KANSL1L: variants seen among roughly 807,000 people sequenced by gnomAD.
KANSL1L encodes KAT8 regulatory NSL complex subunit 1-like protein.
A neutral mutation model predicts 108.6 loss-of-function variants in KANSL1L; 25 were observed. That is an observed-to-expected ratio of 0.23 (90% CI 0.17 to 0.32). KANSL1L has a LOEUF of 0.32. Ranked by LOEUF, KANSL1L falls within the 10% of genes least tolerant of loss-of-function variation. KANSL1L has a pLI of 1.00. For missense variants in KANSL1L, 1,137 were observed against 1,125.7 expected (o/e 1.01, Z -0.14); for synonymous variants, 405 against 395.1 (o/e 1.03, Z -0.30).
intron 6 of KANSL1L, among the ~76,000 whole-genome samples, chr2:210,053,886 A>G (rs1166977195): frequency 1.3e-5 from 2 of 152,124 alleles, no homozygotes; most frequent in Non-Finnish European, 1.5e-5. Flanking sequence ...CTACAAATCA[A>G]TATGAAAAAG....
chr2:210,024,666 T>C (rs1436383473), intron 13 of KANSL1L, among the ~76,000 whole-genome samples: 1 of 152,150 alleles, frequency 6.6e-6, no homozygotes, highest in African/African-American at 2.4e-5. Flanking sequence ...TAAAAGTATT[T>C]TAGACTTTTT....
intron 6 of KANSL1L, among the ~76,000 whole-genome samples, chr2:210,062,344 T>G (rs929889914): frequency 1.3e-5 from 2 of 152,220 alleles, no homozygotes; most frequent in African/African-American, 2.4e-5. Context: ...AATCTCTTTT[T>G]TCCTCCCAGT....
intron 1 of KANSL1L, among the ~76,000 whole-genome samples, chr2:210,167,407 C>T (rs138578814): frequency 1.2e-3 from 175 of 152,072 alleles, no homozygotes; most frequent in African/African-American, 3.5e-3. Flanking sequence ...ACTTGGGTGG[C>T]TACATAACAC....
Position 210,079,670 on chromosome 2 carries a change from G to GTGTATATATATATATATATATATATGTA in KANSL1L, c.1551-3915_1551-3914insTACATATATATATATATATATATATACA, listed in dbSNP as rs1559539857. 69 of 16,614 alleles carry GTGTATATATATATATATATATATATGTA rather than the reference G, an allele frequency of 4.2e-3. 3 individuals carry two copies. The highest frequency in any genetic ancestry group is 5.2e-3 in the Non-Finnish European group (54 of 10,444). 1.0% of individuals were successfully genotyped at this position (16,614 alleles called of 1,614,324 possible). A position where few individuals can be genotyped will look rare whatever the true frequency, so the allele number is the denominator to read the frequency against. On this transcript the variant is annotated intron_variant, in intron 5 of 14. Coordinates refer to ENST00000281772, the MANE Select transcript of KANSL1L (RefSeq NM_152519.4). ...TATATATATATATATATATATGTAT[G>GTGTATATATATATATATATATATATGTA]TGTGTATATATATATATATATGTAT...
At chr2:210,116,944 C>G (rs959589690) in intron 3 of KANSL1L, among the ~76,000 whole-genome samples, 1 of 152,096 alleles carries the variant, frequency 6.6e-6, no homozygotes, top group Admixed American at 6.5e-5. Flanking sequence ...ACCTTTCAGA[C>G]GCAGAACTGA....
chr2:210,052,717 T>C (rs963931297), intron 6 of KANSL1L, among the ~76,000 whole-genome samples: 3 of 152,208 alleles, frequency 2.0e-5, no homozygotes, highest in Non-Finnish European at 2.9e-5. Flanking sequence ...TCTATGAAGG[T>C]AGGAACCCTT....
At chr2:210,067,284 A>G (rs1436259562) in intron 6 of KANSL1L, among the ~76,000 whole-genome samples, 1 of 152,190 alleles carries the variant, frequency 6.6e-6, no homozygotes, top group East Asian at 1.9e-4. Context: ...CCCATAATAA[A>G]TCTTCTCTTA....
chr2:210,092,921 GTTTT>G (rs1056001778), intron 5 of KANSL1L, among the ~76,000 whole-genome samples: 15 of 151,430 alleles, frequency 9.9e-5, no homozygotes, highest in Non-Finnish European at 2.2e-4. Flanking sequence ...TCAAAGATAG[GTTTT>G]TTGTTTTTTT....
intron 4 of KANSL1L, among the ~76,000 whole-genome samples, chr2:210,099,611 T>C (rs1034390130): frequency 3.3e-5 from 5 of 152,192 alleles, no homozygotes; most frequent in African/African-American, 4.8e-5. Context: ...TCATTAGTCA[T>C]GCAAATAAAT....
intron 8 of KANSL1L, among the ~76,000 whole-genome samples, chr2:210,034,700 C>T (rs1258265242): frequency 2.0e-5 from 3 of 152,124 alleles, no homozygotes; most frequent in East Asian, 3.9e-4. Context: ...ACAAAAGGAA[C>T]TCAAACACAT....
chr2:210,037,144 A>G (rs749346947), intron 8 of KANSL1L, among the ~76,000 whole-genome samples: 2 of 152,172 alleles, frequency 1.3e-5, no homozygotes, highest in African/African-American at 4.8e-5. Flanking sequence ...TCATATTTGC[A>G]TACTCTTTCA....
rs147049243 is a variant in KANSL1L at position 210,100,067 on chromosome 2, C to G, written c.1429-1860G>C. Among the ~76,000 whole-genome samples, 259 of 152,290 alleles carry G rather than the reference C, an allele frequency of 1.7e-3. 1 individual carries two copies. Among genetic ancestry groups the G allele is most frequent in the Non-Finnish European group, 2.9e-3 (196 of 68,028 alleles). On this transcript the variant is annotated intron_variant, in intron 4 of 14. Coordinates refer to ENST00000281772, the MANE Select transcript of KANSL1L (RefSeq NM_152519.4). Reference sequence around the variant, plus strand: ...GTACCTGTCCATGGCCTGTTAGAAACCAGGCTGCACAGCAGGAGGTGGGCA... The same window carrying G: ...GTACCTGTCCATGGCCTGTTAGAAAGCAGGCTGCACAGCAGGAGGTGGGCA...
Position 210,170,309 on chromosome 2 carries a change from T to TG in KANSL1L, c.-30+839dup, listed in dbSNP as rs1040204482. Reference sequence around the variant, plus strand: ...GCCAGAACATGAATGTCCTGAAGTTTGGGGAATCAAAAACGGAATGTGCTT... The same window carrying TG: ...GCCAGAACATGAATGTCCTGAAGTTTGGGGGAATCAAAAACGGAATGTGCTT... On this transcript the variant is annotated intron_variant, in intron 1 of 14. Transcript: ENST00000281772. 91 of 963,820 alleles carry TG rather than the reference T, an allele frequency of 9.4e-5. No homozygotes were observed. In the African/African-American group the frequency reaches 1.5e-3, roughly 16 times the overall value. The allele number at this position is 963,820 out of a possible 1,614,324, so 59.7% of individuals were successfully genotyped here.
chr2:210,075,141 C>T (rs549604536), intron 6 of KANSL1L, among the ~76,000 whole-genome samples: 7 of 152,264 alleles, frequency 4.6e-5, no homozygotes, highest in Middle Eastern at 3.4e-3. Context: ...AGGAAAGCAA[C>T]GTTACTTCTT....
intron 3 of KANSL1L, among the ~76,000 whole-genome samples, chr2:210,117,347 A>G (rs905191532): frequency 3.3e-5 from 5 of 152,212 alleles, no homozygotes; most frequent in African/African-American, 7.2e-5. Context: ...GGATAATAAC[A>G]GAGAACTTCC....
chr2:210,150,140 T>C (rs1222389425), intron 2 of KANSL1L, among the ~76,000 whole-genome samples: 1 of 152,080 alleles, frequency 6.6e-6, no homozygotes, highest in Non-Finnish European at 1.5e-5. Context: ...ATATTAAATT[T>C]CTTAGATACA....
intron 1 of KANSL1L, among the ~76,000 whole-genome samples, chr2:210,155,465 C>T (rs2095327889): frequency 6.6e-6 from 1 of 152,124 alleles, no homozygotes; most frequent in South Asian, 2.1e-4. Flanking sequence ...TATAACTTCA[C>T]AGCTGTTAAA....
chr2:210,098,296 C>T, intron 4 of KANSL1L, 89 bp from the exon 5 acceptor site: 2 of 1,142,080 alleles, frequency 1.8e-6, no homozygotes, highest in Middle Eastern at 2.0e-4. Context: ...TCCTTAACTT[C>T]TCATGACACA....
At chr2:210,134,616 G>A (rs997938933) in intron 2 of KANSL1L, among the ~76,000 whole-genome samples, 1 of 152,060 alleles carries the variant, frequency 6.6e-6, no homozygotes, top group Non-Finnish European at 1.5e-5. Context: ...AGCATGTGTA[G>A]AGTAGCCACT....
Sources: gnomAD v4.1 joint callset for allele counts (sites outside exome capture counted in the v4.1 genomes callset) on GRCh38, gnomAD v4.1.1 for gene constraint, MANE v1.5 for transcripts, NCBI Gene and HGNC (gene_info 2026-07-23, HGNC 2026-07-21) for gene names.